SULF2: variants seen among roughly 807,000 people sequenced by gnomAD.
SULF2 encodes the protein extracellular sulfatase Sulf-2.
SULF2 carries 52 observed loss-of-function variants against 107.7 expected under a neutral mutation model. That is an observed-to-expected ratio of 0.48 (90% CI 0.39 to 0.61). The LOEUF (loss-of-function observed/expected upper bound fraction) is 0.61. Among genes scored for constraint, SULF2 ranks in the 20% least tolerant of loss-of-function variants. The pLI is 0.00. For synonymous variants in SULF2, 460 were observed against 464.3 expected (o/e 0.99, Z 0.12); for missense variants, 993 against 1,177.3 (o/e 0.84, Z 2.29).
At chr20:47,761,067 G>C (rs1568916513) in intron 1 of SULF2, among the ~76,000 whole-genome samples, 1 of 152,218 alleles carries the variant, frequency 6.6e-6, no homozygotes, top group African/African-American at 2.4e-5. Context: ...GCTGGGACTA[G>C]AGCCTGGCCA....
At position 47,666,777 on chromosome 20, in the gene SULF2, C is replaced by A. The variant is rs956966846; in HGVS notation, c.1577-289G>T. Among the ~76,000 whole-genome samples, 1 of 152,226 alleles carries A rather than the reference C, an allele frequency of 6.6e-6. No homozygotes were observed. The highest frequency in any genetic ancestry group is 2.4e-5 in the African/African-American group (1 of 41,450). ...TGCGGGTAAACAAATGGCGGTACAT[C>A]ATCTGTACAACGGAATATGCGACCA... On this transcript the variant is annotated intron_variant, in intron 11 of 20. Coordinates refer to ENST00000688720, the MANE Select transcript of SULF2 (RefSeq NM_001387048.1). This position sits in a 1 kb window ranked among gnomAD's most constrained non-coding sequence, Gnocchi z 5.4.
intron 5 of SULF2, among the ~76,000 whole-genome samples, chr20:47,686,487 G>C (rs536935843): frequency 1.3e-5 from 2 of 152,232 alleles, no homozygotes; most frequent in Admixed American, 1.3e-4. Context: ...TTGAAGGCCA[G>C]GTTCCCTGCA....
chr20:47,688,514 C>T lies in SULF2; in HGVS notation c.737+1612G>A, dbSNP rs764684069. Among the ~76,000 whole-genome samples, 14 of 152,214 alleles carry T rather than the reference C, an allele frequency of 9.2e-5. 1 individual carries two copies. The highest frequency in any genetic ancestry group is 2.1e-4 in the Non-Finnish European group (14 of 68,038). ...CCGGCACCTCTTTTAGAGATGCTGC[C>T]GAAGCAAAGCGTCCCTTCCCTCACC... On this transcript the variant is annotated intron_variant, in intron 5 of 20. Transcript: ENST00000688720.
intron 3 of SULF2, among the ~76,000 whole-genome samples, chr20:47,719,537 T>C (rs1185625706): frequency 2.6e-5 from 4 of 152,212 alleles, no homozygotes; most frequent in Non-Finnish European, 5.9e-5. Flanking sequence ...ATCTCTAGGC[T>C]GTTTATGCCC....
rs1283735605 is a variant in SULF2, at chr20:47,745,391, AAAAAAAAAAAAAAAAAAAAATAT to A, written c.176-8472_176-8450del. On this transcript the variant is annotated intron_variant, in intron 2 of 20. Transcript: ENST00000688720. ...GTTCTGAGTTTTGAGGGAAAAAAAA[AAAAAAAAAAAAAAAAAAAAATAT>A]ATATATATATATATATATATATATA... Among the ~76,000 whole-genome samples the A allele has an allele frequency of 8.0e-4, 11 of 13,816 alleles. 1 individual carries two copies. In the African/African-American group the frequency reaches 1.0e-2, roughly 13 times the overall value. 9.1% of individuals were successfully genotyped at this position (13,816 alleles called of 152,430 possible).
In SULF2 at chr20:47,741,753, A is replaced by C. The variant is rs536438569; in HGVS notation, c.176-4811T>G. 1.7e-3 allele frequency among the ~76,000 whole-genome samples: 262 copies of C among 152,282 alleles called. 2 individuals are homozygous for C. The highest frequency in any genetic ancestry group is 3.2e-3 in the Admixed American group (49 of 15,302). ...GAGCTCAGCCTCTCTCGGTCTCCAG[A>C]CCCTGCAGAAAGGACAAAAGCTGGC... is the stretch of plus-strand genomic sequence containing the variant. On this transcript the variant is annotated intron_variant, in intron 2 of 20. Transcript: ENST00000688720.
At chr20:47,773,863 G>C (rs1431924167) in intron 1 of SULF2, among the ~76,000 whole-genome samples, 3 of 152,150 alleles carry the variant, frequency 2.0e-5, no homozygotes, top group African/African-American at 7.2e-5. Context: ...TACCCCCACA[G>C]AACATGTATT....
At chr20:47,770,805 T>C (rs2090615812) in intron 1 of SULF2, among the ~76,000 whole-genome samples, 1 of 152,080 alleles carries the variant, frequency 6.6e-6, no homozygotes, top group South Asian at 2.1e-4. Context: ...GTGGCCTCAG[T>C]GTGGCTTGGG....
At chr20:47,721,955 T>G (rs533924751) in intron 3 of SULF2, among the ~76,000 whole-genome samples, 1 of 152,314 alleles carries the variant, frequency 6.6e-6, no homozygotes, top group East Asian at 1.9e-4. Context: ...CTGGAACTTT[T>G]GCTGGAGCCC....
At chr20:47,784,401 G>A (rs2090884754) in intron 1 of SULF2, among the ~76,000 whole-genome samples, 3 of 112,296 alleles carry the variant, frequency 2.7e-5, no homozygotes, top group Admixed American at 9.2e-5. Context: ...TCAAGGGGGA[G>A]GAGGAGGAGG....
intron 14 of SULF2, 59 bp from the exon 15 acceptor site, chr20:47,664,248 G>T: frequency 6.5e-7 from 1 of 1,533,352 alleles, no homozygotes; most frequent in Non-Finnish European, 8.9e-7. Context: ...TCCGCTGGCA[G>T]GTGCAAGCTG....
At chr20:47,754,287 A>G (rs2146890453) in intron 2 of SULF2, among the ~76,000 whole-genome samples, 1 of 152,384 alleles carries the variant, frequency 6.6e-6, no homozygotes, top group Admixed American at 6.5e-5. Context: ...TCCAGCCCAG[A>G]GGGCTGTCAG....
intron 3 of SULF2, among the ~76,000 whole-genome samples, chr20:47,716,754 G>A (rs930143601): frequency 1.3e-5 from 2 of 152,080 alleles, no homozygotes; most frequent in Non-Finnish European, 2.9e-5. Context: ...CCAGCACTTC[G>A]GGAGGCCAAG....
At chr20:47,689,923 C>T (rs2088139243) in intron 5 of SULF2, 1 of 448,634 alleles carries the variant, frequency 2.2e-6, no homozygotes, top group Non-Finnish European at 3.6e-6. Context: ...TAAAAATTCT[C>T]CTGCCTTGGT....
At chr20:47,661,636 C>T in intron 18 of SULF2, 137 bp downstream of exon 18, 2 of 907,814 alleles carry the variant, frequency 2.2e-6, no homozygotes. Flanking sequence ...ACAGGGGCTC[C>T]CATGACTCGT....
intron 3 of SULF2, among the ~76,000 whole-genome samples, chr20:47,704,027 C>T (rs971321838): frequency 6.6e-6 from 1 of 152,122 alleles, no homozygotes; most frequent in Admixed American, 6.5e-5. Context: ...TGGCTGGGAG[C>T]AGCAAGGGGA....
chr20:47,759,155 A>G (rs995795851), intron 1 of SULF2, among the ~76,000 whole-genome samples: 99 of 152,186 alleles, frequency 6.5e-4, no homozygotes, highest in Non-Finnish European at 1.5e-5. Context: ...CCCAGGCTGC[A>G]CAAGTGCCAG....
intron 1 of SULF2, among the ~76,000 whole-genome samples, chr20:47,760,106 T>C (rs2090385781): frequency 6.6e-6 from 1 of 152,202 alleles, no homozygotes; most frequent in Admixed American, 6.5e-5. Context: ...CCATCACTGA[T>C]GCCTTGCCCC....
intron 14 of SULF2, 149 bp from the exon 15 acceptor site, chr20:47,664,338 C>T: frequency 1.4e-6 from 1 of 735,288 alleles, no homozygotes. Flanking sequence ...GGGCATGACC[C>T]TATCCTCAGG....
Sources: allele counts gnomAD v4.1 joint callset (sites outside exome capture counted in the v4.1 genomes callset), GRCh38; gene constraint gnomAD v4.1.1; non-coding constraint Gnocchi (gnomAD v3.1); transcripts MANE v1.5; gene names NCBI Gene and HGNC (gene_info 2026-07-23, HGNC 2026-07-21).